EDF1: variants seen among roughly 807,000 people sequenced by gnomAD.
EDF1 encodes the protein endothelial differentiation related factor 1.
Under a neutral mutation model 20.8 loss-of-function variants are expected in EDF1, and 5 were observed. The observed-to-expected ratio is 0.24, with a 90% CI of 0.13 to 0.51. The LOEUF (loss-of-function observed/expected upper bound fraction) is 0.51. Ranked by LOEUF, EDF1 falls within the 20% of genes least tolerant of loss-of-function variation. The probability of loss-of-function intolerance (pLI) is 0.97; values close to 1 mark genes in which losing one functional copy is unlikely to be tolerated. For missense variants in EDF1, 137 were observed against 197.8 expected (o/e 0.69, Z 1.84); for synonymous variants, 96 against 78.5 (o/e 1.22, Z -1.18).
rs762540774 is a variant in EDF1, at chr9:136,866,295, G to C, written c.-37C>G. The C allele has an allele frequency of 1.2e-5, 19 of 1,588,448 alleles. No homozygotes were observed. The highest frequency in any genetic ancestry group is 1.6e-5 in the Non-Finnish European group (19 of 1,171,972). On this transcript the variant is annotated 5_prime_UTR_variant, in exon 1 of 5. Transcript: ENST00000224073. ...ACGAGCGTCCGTCCGGCGGCTCAGC[G>C]GCAGCTGCTAGAGACCTGGCGCGGC...
In EDF1 at chr9:136,863,965, G is replaced by T. The variant is rs905032307; in HGVS notation, c.79-94C>A. 2.2e-6 allele frequency: 3 copies of T among 1,338,770 alleles called. No individual in the cohort carries two copies. In the African/African-American group the frequency reaches 4.3e-5, roughly 19 times the overall value. 82.9% of individuals were successfully genotyped at this position (1,338,770 alleles called of 1,614,324 possible). A position where few individuals can be genotyped will look rare whatever the true frequency, so the allele number is the denominator to read the frequency against. On this transcript the variant is annotated intron_variant, in intron 1 of 4. Transcript: ENST00000224073. This position sits in a 1 kb window ranked among gnomAD's most constrained non-coding sequence, Gnocchi z 4.5. ...CCTGCTGTTAGCCAGTTAGCACACT[G>T]CTAAGGACTAGTGGTGCCCAAGGAC...
At chr9:136,864,094 G>A (rs201478513) in intron 1 of EDF1, among the ~76,000 whole-genome samples, 3 of 151,934 alleles carry the variant, frequency 2.0e-5, no homozygotes, top group East Asian at 3.9e-4. Flanking sequence ...ATCACTTGAG[G>A]CCACGAGTTC....
Position 136,863,994 on chromosome 9 carries a change from T to G in EDF1, c.79-123A>C. 1 of 976,156 alleles carries G rather than the reference T, an allele frequency of 1.0e-6. No individual in the cohort carries two copies. The highest frequency in any genetic ancestry group is 1.6e-6 in the Non-Finnish European group (1 of 639,568). The allele number at this position is 976,156 out of a possible 1,614,324, so 60.5% of individuals were successfully genotyped here. On this transcript the variant is annotated intron_variant, in intron 1 of 4. Coordinates refer to ENST00000224073, the MANE Select transcript of EDF1 (RefSeq NM_003792.4). The surrounding 1 kb of genome is among the most constrained non-coding windows in gnomAD (Gnocchi z 4.5). The stretch of plus-strand genomic sequence containing the variant: ...AGGACTAGTGGTGCCCAAGGACTGA[T>G]ATGCAGTCCTGGGTTCAGTTACCTA...
chr9:136,862,829 C>A lies in EDF1; in HGVS notation c.385+77G>T. 1 of 1,611,340 alleles carries A rather than the reference C, an allele frequency of 6.2e-7. No homozygotes were observed. Among genetic ancestry groups the A allele is most frequent in the Non-Finnish European group, 8.5e-7 (1 of 1,179,808 alleles). On this transcript the variant is annotated intron_variant, in intron 4 of 4. Transcript: ENST00000224073. The surrounding 1 kb of genome is among the most constrained non-coding windows in gnomAD (Gnocchi z 4.1). The stretch of plus-strand genomic sequence containing the variant: ...CAGGGCCATCTTCTTCCCCCGAGTC[C>A]CACTCTCACCAACCCCAGCTGGGAG...
At chr9:136,865,749 C>T (rs1409018137) in intron 1 of EDF1, among the ~76,000 whole-genome samples, 1 of 151,718 alleles carries the variant, frequency 6.6e-6, no homozygotes, top group Admixed American at 6.6e-5. Flanking sequence ...ACAAGGCCCC[C>T]AGCCTTGTCC....
rs1405933911 is a variant in EDF1, at chr9:136,866,276, G to A, written c.-18C>T. ...TCGGCCATGGCGGGCGAAGACGAGC[G>A]TCCGTCCGGCGGCTCAGCGGCAGCT... On this transcript the variant is annotated 5_prime_UTR_variant, in exon 1 of 5. It adds an upstream start codon to the 5' untranslated region. Transcript: ENST00000224073. 3.8e-6 allele frequency: 6 copies of A among 1,592,332 alleles called. No individual in the cohort carries two copies. The highest frequency in any genetic ancestry group is 4.7e-5 in the East Asian group (2 of 42,728).
In EDF1 at chr9:136,863,912, G is replaced by C; in HGVS notation, c.79-41C>G. 3 of 1,609,106 alleles carry C rather than the reference G, an allele frequency of 1.9e-6. No homozygotes were observed. Among genetic ancestry groups the C allele is most frequent in the Non-Finnish European group, 2.5e-6 (3 of 1,176,692 alleles). ...ACATCAGTGGATCAAAATTAGCTTT[G>C]ACAGTATCCAGCACACACCAATTCA... On this transcript the variant is annotated intron_variant, in intron 1 of 4. Transcript: ENST00000224073. The surrounding 1 kb of genome is among the most constrained non-coding windows in gnomAD (Gnocchi z 4.5).
rs1269307407 is a variant in EDF1, at chr9:136,865,976, CCT to C, written c.78+203_78+204del. 2.7e-5 allele frequency among the ~76,000 whole-genome samples: 4 copies of C among 150,236 alleles called. No individual in the cohort carries two copies. The East Asian group carries it at 7.9e-4, about 29-fold the overall frequency. On this transcript the variant is annotated intron_variant, in intron 1 of 4. Coordinates refer to ENST00000224073, the MANE Select transcript of EDF1 (RefSeq NM_003792.4). The stretch of plus-strand genomic sequence containing the variant: ...TGGGTCCGCCCCCCACCTTCCCACC[CCT>C]GTCCTGGCCCGGTCCTCCTACCCCT...
Position 136,862,698 on chromosome 9 carries a change from T to C in EDF1, c.385+208A>G. On this transcript the variant is annotated intron_variant, in intron 4 of 4. Transcript: ENST00000224073. The surrounding 1 kb of genome is among the most constrained non-coding windows in gnomAD (Gnocchi z 4.1). ...ACTGGCAAGGGGAAGGGACTCGGAC[T>C]CCACTTGCTCTTAGGGGTTTCCTGA... 3 of 1,504,292 alleles carry C rather than the reference T, an allele frequency of 2.0e-6. No individual in the cohort carries two copies. In the South Asian group the frequency reaches 3.9e-5, roughly 20 times the overall value. 93.2% of individuals were successfully genotyped at this position (1,504,292 alleles called of 1,614,324 possible). A position where few individuals can be genotyped will look rare whatever the true frequency, so the allele number is the denominator to read the frequency against.
At chr9:136,864,474 T>C (rs1056393501) in intron 1 of EDF1, among the ~76,000 whole-genome samples, 17 of 152,070 alleles carry the variant, frequency 1.1e-4, no homozygotes, top group Admixed American at 9.2e-4. Context: ...GAACACCAAA[T>C]ACTGGCCTGG....
At position 136,866,082 on chromosome 9, in the gene EDF1, G is replaced by T. The variant is rs1849219722; in HGVS notation, c.78+99C>A. ...CCCCGTCCCCTGCGCCCTGTCCCAG[G>T]CCCCGCCTGCCCTTCCCCGAGCCCC... is the stretch of plus-strand genomic sequence containing the variant. On this transcript the variant is annotated intron_variant, in intron 1 of 4. Transcript: ENST00000224073. 9.5e-6 allele frequency: 12 copies of T among 1,265,076 alleles called. No individual in the cohort carries two copies. In the South Asian group the frequency reaches 1.7e-4, roughly 18 times the overall value. The allele number at this position is 1,265,076 out of a possible 1,614,324, so 78.4% of individuals were successfully genotyped here.
Position 136,862,360 on chromosome 9 carries a change from A to G in EDF1, c.386-15T>C, listed in dbSNP as rs752154421. ...GAGCTTGAGGCCTGAAATGAGCCAC[A>G]GCCACTGGCCACTGCAGCACCAGCT... On this transcript the variant is annotated splice_polypyrimidine_tract_variant and intron_variant, in intron 4 of 4. Coordinates refer to ENST00000224073, the MANE Select transcript of EDF1 (RefSeq NM_003792.4). The surrounding 1 kb of genome is among the most constrained non-coding windows in gnomAD (Gnocchi z 4.1). 1.2e-6 allele frequency: 2 copies of G among 1,613,998 alleles called. No individual in the cohort carries two copies. Among genetic ancestry groups the G allele is most frequent in the Admixed American group, 1.7e-5 (1 of 60,014 alleles).
At position 136,862,205 on chromosome 9, in the gene EDF1, T is replaced by TGAGGAGAACGGAACTGGCGGCC. The variant is rs1431355597; in HGVS notation, c.*57_*78dup. ...TGGACCCCTTGTTCCGTTCGGCCCG[T>TGAGGAGAACGGAACTGGCGGCC]GAGGAGAACGGAACTGGCGGCCAAG... On this transcript the variant is annotated 3_prime_UTR_variant, in exon 5 of 5. Transcript: ENST00000224073. The surrounding 1 kb of genome is among the most constrained non-coding windows in gnomAD (Gnocchi z 4.1). The TGAGGAGAACGGAACTGGCGGCC allele has an allele frequency of 6.3e-7, 1 of 1,578,096 alleles. No individual in the cohort carries two copies. The highest frequency in any genetic ancestry group is 8.7e-7 in the Non-Finnish European group (1 of 1,148,120).
Position 136,862,272 on chromosome 9 carries a change from G to A in EDF1, c.*12C>T, listed in dbSNP as rs777559234. The A allele has an allele frequency of 9.9e-6, 16 of 1,613,902 alleles. No individual in the cohort carries two copies. The highest frequency in any genetic ancestry group is 1.6e-4 in the Middle Eastern group (1 of 6,062). On this transcript the variant is annotated 3_prime_UTR_variant, in exon 5 of 5. Coordinates refer to ENST00000224073, the MANE Select transcript of EDF1 (RefSeq NM_003792.4). This position sits in a 1 kb window ranked among gnomAD's most constrained non-coding sequence, Gnocchi z 4.1. Reference sequence around the variant, plus strand: ...AGATCAGCTGGAGCGCACTGATTTCGAGGCTTTGTGTTCATTTCGCCCTAG... The same window carrying A: ...AGATCAGCTGGAGCGCACTGATTTCAAGGCTTTGTGTTCATTTCGCCCTAG...
chr9:136,862,810 C>T lies in EDF1; in HGVS notation c.385+96G>A. On this transcript the variant is annotated intron_variant, in intron 4 of 4. Coordinates refer to ENST00000224073, the MANE Select transcript of EDF1 (RefSeq NM_003792.4). The surrounding 1 kb of genome is among the most constrained non-coding windows in gnomAD (Gnocchi z 4.1). Reference sequence around the variant, plus strand: ...TCAGAGAACAGGGGACCCCCAGGGCCATCTTCTTCCCCCGAGTCCCACTCT... The same window carrying T: ...TCAGAGAACAGGGGACCCCCAGGGCTATCTTCTTCCCCCGAGTCCCACTCT... 1 of 1,610,402 alleles carries T rather than the reference C, an allele frequency of 6.2e-7. No individual in the cohort carries two copies. The highest frequency in any genetic ancestry group is 8.5e-7 in the Non-Finnish European group (1 of 1,179,468).
In EDF1 at chr9:136,862,521, A is replaced by G; in HGVS notation, c.386-176T>C. On this transcript the variant is annotated intron_variant, in intron 4 of 4. Transcript: ENST00000224073. This position sits in a 1 kb window ranked among gnomAD's most constrained non-coding sequence, Gnocchi z 4.1. ...TCTAATTTTGAAGAGGATGAGTCTG[A>G]TCACCTTAGACAGCAGAGCATGAAC... 6.2e-7 allele frequency: 1 copy of G among 1,608,276 alleles called. No homozygotes were observed. Among genetic ancestry groups the G allele is most frequent in the Non-Finnish European group, 8.5e-7 (1 of 1,179,588 alleles).
rs1849199072 is a variant in EDF1, at chr9:136,865,534, GCCCTC to G, written c.78+642_78+646del. Among the ~76,000 whole-genome samples the G allele has an allele frequency of 6.6e-5, 10 of 151,594 alleles. No homozygotes were observed. The South Asian group carries it at 2.1e-3, about 32-fold the overall frequency. The stretch of plus-strand genomic sequence containing the variant: ...CCCGTCACCCAGTCTCCCGCCCCAG[GCCCTC>G]AACTGCTGTCCAATGGCCCCCAGCC... On this transcript the variant is annotated intron_variant, in intron 1 of 4. Coordinates refer to ENST00000224073, the MANE Select transcript of EDF1 (RefSeq NM_003792.4).
chr9:136,864,109 C>A (rs751846568), intron 1 of EDF1, among the ~76,000 whole-genome samples: 38 of 152,076 alleles, frequency 2.5e-4, no homozygotes, highest in Non-Finnish European at 5.0e-4. Flanking sequence ...GAGTTCGAGA[C>A]CAGCCTGGGC....
At position 136,863,864 on chromosome 9, in the gene EDF1, A is replaced by C; in HGVS notation, c.86T>G (p.Leu29Ter). The change falls in exon 2 of 5, where the codon TTA (leucine) becomes TGA (stop). Residue 29 changes from leucine to a stop codon, truncating the protein, a stop_gained. Coordinates refer to ENST00000224073, the MANE Select transcript of EDF1 (RefSeq NM_003792.4). LOFTEE classifies it high-confidence loss of function. The surrounding 1 kb of genome is among the most constrained non-coding windows in gnomAD (Gnocchi z 4.5). ...ATCTTCTCCTCGTCTCTGTGCCGCT[A>C]AGATAGCCTAGAAAATTAGAAAACA... ...AAQAKSKQAI[L>*]AAQRRGEDVE... 1 of 1,613,938 alleles carries C rather than the reference A, an allele frequency of 6.2e-7. No homozygotes were observed. Among genetic ancestry groups the C allele is most frequent in the Non-Finnish European group, 8.5e-7 (1 of 1,180,008 alleles).
Sources: allele counts gnomAD v4.1 joint callset (sites outside exome capture counted in the v4.1 genomes callset), GRCh38; gene constraint gnomAD v4.1.1; non-coding constraint Gnocchi (gnomAD v3.1); transcripts MANE v1.5; gene names NCBI Gene and HGNC (gene_info 2026-07-23, HGNC 2026-07-21).